Variants in SMC3 observed in about 807,000 individuals in gnomAD.
The protein encoded by SMC3 is structural maintenance of chromosomes 3.
Under a neutral mutation model 171.8 loss-of-function variants are expected in SMC3, and 20 were observed. The observed-to-expected ratio is 0.12, with a 90% confidence interval of 0.08 to 0.17. The LOEUF is 0.17. Among genes scored for constraint, SMC3 ranks in the 10% least tolerant of loss-of-function variants. The pLI is 1.00. For synonymous variants in SMC3, 464 were observed against 451.1 expected (o/e 1.03, Z -0.36); for missense variants, 543 against 1,420.4 (o/e 0.38, Z 9.93).
chr10:110,598,258 A>T lies in SMC3; in HGVS notation c.2236A>T (p.Arg746Trp). 6.2e-7 allele frequency: 1 copy of T among 1,614,054 alleles called. No homozygotes were observed. Among genetic ancestry groups the T allele is most frequent in the Non-Finnish European group, 8.5e-7 (1 of 1,179,958 alleles). Residue 746 changes from arginine to tryptophan, a missense_variant, in exon 20 of 29, where the codon AGG becomes TGG. By Grantham distance (101) the Arg-to-Trp change is moderately radical. Coordinates refer to ENST00000361804, the MANE Select transcript of SMC3 (RefSeq NM_005445.4). ...LSEMKMLKEK[R>W]QQSEKTFMPK... Reference sequence around the variant, plus strand: ...AGAAATGAAGATGCTAAAAGAGAAGAGGCAGCAGTCAGAGAAAACCTTCAT... The same window carrying T: ...AGAAATGAAGATGCTAAAAGAGAAGTGGCAGCAGTCAGAGAAAACCTTCAT...
chr10:110,587,385 A>G (rs1250321618), intron 13 of SMC3, among the ~76,000 whole-genome samples: 1 of 152,194 alleles, frequency 6.6e-6, no homozygotes, highest in Non-Finnish European at 1.5e-5. Context: ...GTAGGACTTA[A>G]GAAATACTGT....
intron 18 of SMC3, among the ~76,000 whole-genome samples, chr10:110,594,250 A>T (rs984794005): frequency 6.6e-6 from 1 of 151,704 alleles, no homozygotes; most frequent in Admixed American, 6.6e-5. Flanking sequence ...ATTCAACACA[A>T]TTTTTAATGC....
At chr10:110,594,400 C>G (rs1323076730) in intron 18 of SMC3, among the ~76,000 whole-genome samples, 1 of 151,974 alleles carries the variant, frequency 6.6e-6, no homozygotes, top group African/African-American at 2.4e-5. Flanking sequence ...GTTTGAAGTA[C>G]TGATACATGT....
chr10:110,582,354 TC>T, intron 9 of SMC3, among the ~76,000 whole-genome samples: 1 of 65,286 alleles, frequency 1.5e-5, no homozygotes, highest in Non-Finnish European at 5.1e-5. Context: ...TTTGAAGGCT[TC>T]TTGTAGTTGT....
At chr10:110,583,170 G>T (rs1414914948) in intron 10 of SMC3, among the ~76,000 whole-genome samples, 1 of 152,024 alleles carries the variant, frequency 6.6e-6, no homozygotes, top group East Asian at 1.9e-4. Flanking sequence ...GAGTTTACAG[G>T]CATGAGCAAC....
chr10:110,572,033 A>T (rs1860880400), intron 2 of SMC3, among the ~76,000 whole-genome samples: 1 of 152,236 alleles, frequency 6.6e-6, no homozygotes, highest in African/African-American at 2.4e-5. Context: ...ATAAATTGTC[A>T]TCTTAAACTT....
intron 7 of SMC3, 80 bp downstream of exon 7, chr10:110,578,786 G>C (rs887899150): frequency 8.7e-6 from 10 of 1,149,648 alleles, no homozygotes; most frequent in African/African-American, 4.6e-5. Flanking sequence ...TTATTGATTT[G>C]AGTGGTTAAG....
chr10:110,601,236 G>A, intron 23 of SMC3, 106 bp downstream of exon 23: 1 of 865,894 alleles, frequency 1.2e-6, no homozygotes, highest in Non-Finnish European at 2.0e-6. Flanking sequence ...ATGATTTTTT[G>A]TTTTCCATTA....
chr10:110,586,184 G>GA, intron 13 of SMC3, among the ~76,000 whole-genome samples: 1 of 152,156 alleles, frequency 6.6e-6, no homozygotes, highest in Admixed American at 6.6e-5. Context: ...TTTAAAGAAA[G>GA]AGCTGTTTAC....
chr10:110,578,235 G>A (rs1312314530), intron 6 of SMC3, among the ~76,000 whole-genome samples: 8 of 151,904 alleles, frequency 5.3e-5, no homozygotes, highest in Non-Finnish European at 8.8e-5. Context: ...CACCACACCC[G>A]GCTACTTTTT....
At chr10:110,580,410 G>A (rs757406593) in intron 7 of SMC3, among the ~76,000 whole-genome samples, 12 of 152,166 alleles carry the variant, frequency 7.9e-5, no homozygotes, top group Admixed American at 7.9e-4. Context: ...GAAAAAGATG[G>A]TGGTGTGAGA....
At position 110,590,264 on chromosome 10, in the gene SMC3, A is replaced by G; in HGVS notation, c.1510-148A>G. On this transcript the variant is annotated intron_variant, in intron 15 of 28. Transcript: ENST00000361804. Reference sequence around the variant, plus strand: ...ATAAGGTGTTACATGTAGTTGGCATATTGTGAGGAGGTGATGTGTTTGTTG... The same window carrying G: ...ATAAGGTGTTACATGTAGTTGGCATGTTGTGAGGAGGTGATGTGTTTGTTG... 3 of 735,162 alleles carry G rather than the reference A, an allele frequency of 4.1e-6. No homozygotes were observed. In the South Asian group the frequency reaches 5.0e-5, roughly 12 times the overall value. The allele number at this position is 735,162 out of a possible 1,614,324, so 45.5% of individuals were successfully genotyped here. A position where few individuals can be genotyped will look rare whatever the true frequency, so the allele number is the denominator to read the frequency against.
At chr10:110,568,177 C>A in intron 1 of SMC3, 1 of 420,998 alleles carries the variant, frequency 2.4e-6, no homozygotes, top group Non-Finnish European at 4.3e-6. Flanking sequence ...CCGGGGCGGC[C>A]GCGGGCGGGA....
chr10:110,597,724 G>T (rs1861322404), intron 19 of SMC3, among the ~76,000 whole-genome samples: 1 of 152,220 alleles, frequency 6.6e-6, no homozygotes, highest in Non-Finnish European at 1.5e-5. Flanking sequence ...AATCCAGCTA[G>T]ATTGAATTAT....
chr10:110,593,479 G>A (rs987046617), intron 18 of SMC3, among the ~76,000 whole-genome samples: 3 of 152,054 alleles, frequency 2.0e-5, no homozygotes, highest in African/African-American at 4.8e-5. Flanking sequence ...GGCTGGGGCA[G>A]GAGAATTGCT....
Position 110,601,723 on chromosome 10 carries a change from C to A in SMC3, c.2731C>A (p.His911Asn). 6.2e-7 allele frequency: 1 copy of A among 1,613,404 alleles called. No individual in the cohort carries two copies. The highest frequency in any genetic ancestry group is 8.5e-7 in the Non-Finnish European group (1 of 1,179,638). Reference sequence around the variant, plus strand: ...GCGCTGGAAAAATATGGAAAAAGAACATATGGATGCTATAAATCATGATAC... The same window carrying A: ...GCGCTGGAAAAATATGGAAAAAGAAAATATGGATGCTATAAATCATGATAC... ...MERWKNMEKE[H>N]MDAINHDTKE... Residue 911 changes from histidine (H) to asparagine (N), a missense_variant, in exon 24 of 29, where the codon CAT becomes AAT. Physicochemically the swap from His to Asn is moderately conservative, Grantham distance 68 (BLOSUM62 1). This residue lies in a region of SMC3 where 81 missense variants were observed against 184.2 expected (regional missense o/e 0.44). Coordinates refer to ENST00000361804, the MANE Select transcript of SMC3 (RefSeq NM_005445.4).
chr10:110,582,627 A>C lies in SMC3; in HGVS notation c.789A>C (p.Ala263=). 2 of 1,611,788 alleles carry C rather than the reference A, an allele frequency of 1.2e-6. No individual in the cohort carries two copies. Among genetic ancestry groups the C allele is most frequent in the Non-Finnish European group, 1.7e-6 (2 of 1,177,808 alleles). The change falls in exon 10 of 29, where the codon GCA becomes GCC. Residue 263 remains alanine, a synonymous_variant. Coordinates refer to ENST00000361804, the MANE Select transcript of SMC3 (RefSeq NM_005445.4). ...AATTAAGAGATGCTCAGCAGGATGC[A>C]AGAGATAAAATGGAGGTAAGATTAT... ...SRQLRDAQQD[A]RDKMEDIERQ... is the part of the protein sequence containing the mutation.
At chr10:110,583,212 G>C (rs1049920244) in intron 10 of SMC3, among the ~76,000 whole-genome samples, 172 bp from the exon 11 acceptor site, 1 of 152,068 alleles carries the variant, frequency 6.6e-6, no homozygotes, top group African/African-American at 2.4e-5. Context: ...TTTGACCATA[G>C]TAAACCCTTT....
At chr10:110,582,852 G>C (rs1861053385) in intron 10 of SMC3, among the ~76,000 whole-genome samples, 1 of 151,862 alleles carries the variant, frequency 6.6e-6, no homozygotes, top group African/African-American at 2.4e-5. Context: ...ATATATTGTA[G>C]AGACAAGGTC....
Sources: allele counts gnomAD v4.1 joint callset (sites outside exome capture counted in the v4.1 genomes callset), GRCh38; gene constraint gnomAD v4.1.1; regional missense constraint gnomAD v4.1.1; transcripts MANE v1.5; gene names NCBI Gene and HGNC (gene_info 2026-07-23, HGNC 2026-07-21).